TPGS2: variants seen among roughly 807,000 people sequenced by gnomAD.
TPGS2 encodes the protein tubulin polyglutamylase complex subunit 2, also known as polyglutamylase subunit 2.
A neutral mutation model predicts 31.1 loss-of-function variants in TPGS2; 26 were observed. The ratio of observed to expected loss-of-function variants is 0.84; its 90% CI spans 0.61 to 1.16. The LOEUF is 1.16. Among genes scored for constraint, TPGS2 ranks in the 50% most tolerant of loss-of-function variants. The pLI is 0.00. For synonymous variants in TPGS2, 130 were observed against 136.6 expected, an observed-to-expected ratio of 0.95 and a Z score of 0.34; for missense variants, 351 against 363.8, an observed-to-expected ratio of 0.96 and a Z score of 0.29.
At chr18:36,823,460 G>GTTTTATTT (rs1556785668) in intron 1 of TPGS2, among the ~76,000 whole-genome samples, 1 of 108,110 alleles carries the variant, frequency 9.2e-6, no homozygotes, top group Non-Finnish European at 1.8e-5. Context: ...TTAACAGCTT[G>GTTTTATTT]TTTTTTTTTT....
intron 2 of TPGS2, among the ~76,000 whole-genome samples, chr18:36,815,670 A>T (rs1416956230): frequency 6.6e-6 from 1 of 152,180 alleles, no homozygotes; most frequent in Non-Finnish European, 1.5e-5. Context: ...ATAATCAGAA[A>T]AAAAGTGTTA....
At chr18:36,808,506 C>T (rs1324641503) in intron 2 of TPGS2, among the ~76,000 whole-genome samples, 1 of 151,800 alleles carries the variant, frequency 6.6e-6, no homozygotes, top group East Asian at 1.9e-4. Context: ...GGTGTGGTGG[C>T]GGGCGCCTGT....
intron 2 of TPGS2, among the ~76,000 whole-genome samples, chr18:36,816,972 T>C (rs1348901856): frequency 6.6e-6 from 1 of 152,218 alleles, no homozygotes; most frequent in African/African-American, 2.4e-5. Flanking sequence ...ATGTCCTCCA[T>C]CATATCTTTT....
At chr18:36,797,338 G>C (rs1342575188) in intron 6 of TPGS2, among the ~76,000 whole-genome samples, 5 of 151,988 alleles carry the variant, frequency 3.3e-5, no homozygotes, top group Non-Finnish European at 4.4e-5. Context: ...TGAGTCCTGA[G>C]CCTGGGATGC....
intron 2 of TPGS2, chr18:36,817,728 T>A (rs1225538642): frequency 6.6e-6 from 1 of 152,286 alleles, no homozygotes; most frequent in African/African-American, 2.4e-5. Flanking sequence ...TGAGCCACTG[T>A]GCCGGCCAAA....
rs1600708118 is a variant in TPGS2 at position 36,783,015 on chromosome 18, G to A, written c.*27C>T. 1.0e-5 allele frequency: 4 copies of A among 398,388 alleles called. No homozygotes were observed. The East Asian group carries it at 1.1e-4, about 11-fold the overall frequency. The allele number at this position is 398,388 out of a possible 1,614,324, so 24.7% of individuals were successfully genotyped here. The stretch of plus-strand genomic sequence containing the variant: ...TGTCCACAAATGTCAAGGAGCAGTC[G>A]GGGTGTGCCAGTGAGTCCCGGGAGC... On this transcript the variant is annotated 3_prime_UTR_variant, in exon 7 of 7. Coordinates refer to the TPGS2 transcript ENST00000587129.
downstream of TPGS2, among the ~76,000 whole-genome samples, chr18:36,793,797 G>C (rs984618114): frequency 2.6e-5 from 4 of 151,334 alleles, no homozygotes; most frequent in Non-Finnish European, 5.9e-5. Context: ...GAATACAGTG[G>C]TATGATCTCG....
chr18:36,818,024 A>G (rs779488888), intron 2 of TPGS2, among the ~76,000 whole-genome samples: 1 of 152,130 alleles, frequency 6.6e-6, no homozygotes, highest in Non-Finnish European at 1.5e-5. Flanking sequence ...ACTGCTGAAG[A>G]CCTATGAAGC....
intron 5 of TPGS2, among the ~76,000 whole-genome samples, chr18:36,799,510 T>C (rs944833492): frequency 2.0e-5 from 3 of 152,186 alleles, no homozygotes; most frequent in Non-Finnish European, 4.4e-5. Flanking sequence ...TTGTCTCTTT[T>C]ACTCCACCAA....
intron 1 of TPGS2, chr18:36,821,190 C>G (rs1303937803): frequency 6.6e-6 from 1 of 152,196 alleles, no homozygotes; most frequent in Non-Finnish European, 1.5e-5. Flanking sequence ...AGAGAACTGG[C>G]AGTCTCTCTT....
chr18:36,797,992 G>A (rs2044616178), intron 6 of TPGS2: 1 of 209,980 alleles, frequency 4.8e-6, no homozygotes, highest in South Asian at 1.3e-4. Context: ...TTACACTTGA[G>A]ATTTAGAAAA....
rs867106883 is a variant in TPGS2, at chr18:36,795,334, G to C, written c.*1471C>G. On this transcript the variant is annotated 3_prime_UTR_variant, in exon 7 of 7. Coordinates refer to ENST00000334295, the MANE Select transcript of TPGS2 (RefSeq NM_015476.4). ...GAAGGAAGTCTGGCCAATCACCGGG[G>C]TAGAGAGAAGTCAGGAAAGAGAATG... The C allele has an allele frequency of 4.1e-6, 4 of 985,426 alleles. No homozygotes were observed. Among genetic ancestry groups the C allele is most frequent in the African/African-American group, 3.5e-5 (2 of 57,234 alleles). The allele number at this position is 985,426 out of a possible 1,614,324, so 61.0% of individuals were successfully genotyped here. A position where few individuals can be genotyped will look rare whatever the true frequency, so the allele number is the denominator to read the frequency against.
chr18:36,795,626 TGTA>T lies in TPGS2; in HGVS notation c.*1176_*1178del, dbSNP rs1219710578. The T allele has an allele frequency of 2.0e-6, 2 of 985,340 alleles. No individual in the cohort carries two copies. The highest frequency in any genetic ancestry group is 1.1e-4 in the East Asian group (1 of 8,830). The allele number at this position is 985,340 out of a possible 1,614,324, so 61.0% of individuals were successfully genotyped here. A position where few individuals can be genotyped will look rare whatever the true frequency, so the allele number is the denominator to read the frequency against. On this transcript the variant is annotated 3_prime_UTR_variant, in exon 7 of 7. Transcript: ENST00000334295. Reference sequence around the variant, plus strand: ...CCTTCTCTGTAAAAATTTCATTAAATGTAGTAGGTATGTCAGATTTATCTTGTG... The same window carrying T: ...CCTTCTCTGTAAAAATTTCATTAAATGTAGGTATGTCAGATTTATCTTGTG...
downstream of TPGS2, among the ~76,000 whole-genome samples, chr18:36,780,613 TG>T (rs2150510757): frequency 6.6e-6 from 1 of 152,330 alleles, no homozygotes; most frequent in Admixed American, 6.5e-5. Flanking sequence ...CAAACCTAGA[TG>T]GTACAGCCTA....
chr18:36,828,969 A>T lies in TPGS2; in HGVS notation c.-202T>A. 1 of 1,027,642 alleles carries T rather than the reference A, an allele frequency of 9.7e-7. No homozygotes were observed. Among genetic ancestry groups the T allele is most frequent in the Non-Finnish European group, 1.3e-6 (1 of 741,416 alleles). 63.7% of individuals were successfully genotyped at this position (1,027,642 alleles called of 1,614,324 possible). A position where few individuals can be genotyped will look rare whatever the true frequency, so the allele number is the denominator to read the frequency against. On this transcript the variant is annotated 5_prime_UTR_variant, in exon 1 of 7. Transcript: ENST00000334295. ...TTCCCGCGGCCCCGCCCGGTGCCCCACACCGCACCTCCGGGACGTAGCTTC... is the reference window on the plus strand; with the variant it reads ...TTCCCGCGGCCCCGCCCGGTGCCCCTCACCGCACCTCCGGGACGTAGCTTC...
rs780428586 is a variant in TPGS2 at position 36,828,801 on chromosome 18, G to T, written c.-34C>A. 12 of 1,608,288 alleles carry T rather than the reference G, an allele frequency of 7.5e-6. No homozygotes were observed. The East Asian group carries it at 2.0e-4, about 27-fold the overall frequency. On this transcript the variant is annotated 5_prime_UTR_variant, in exon 1 of 7. Transcript: ENST00000334295. ...ACCGCGATTCGCGCGCGGCGGGAGC[G>T]GGTGGAGGGCCGGACCCCGCCTCAG...
downstream of TPGS2, chr18:36,789,993 GACTAATAC>G (rs1488806723): frequency 6.6e-6 from 1 of 152,482 alleles, no homozygotes; most frequent in African/African-American, 2.4e-5. Flanking sequence ...CGTGAAAATG[GACTAATAC>G]ACTATGTCTA....
At chr18:36,813,435 G>A (rs56176314) in intron 2 of TPGS2, among the ~76,000 whole-genome samples, 23,951 of 152,146 alleles carry the variant, frequency 0.16, 1,991 homozygotes, top group East Asian at 0.2. Flanking sequence ...GGCTGTGGCA[G>A]GATGAATAAC....
downstream of TPGS2, among the ~76,000 whole-genome samples, chr18:36,793,193 G>T (rs2044373794): frequency 6.6e-6 from 1 of 152,206 alleles, no homozygotes; most frequent in African/African-American, 2.4e-5. Flanking sequence ...TGTAAGTGAA[G>T]TCTGATGGGA....
Sources: allele counts gnomAD v4.1 joint callset (sites outside exome capture counted in the v4.1 genomes callset), GRCh38; gene constraint gnomAD v4.1.1; transcripts MANE v1.5; gene names NCBI Gene and HGNC (gene_info 2026-07-23, HGNC 2026-07-21).